Variants in SSBP2 observed in about 807,000 individuals in gnomAD.
SSBP2 encodes single stranded DNA binding protein 2, also known as single-stranded DNA-binding protein 2.
SSBP2 carries 17 observed loss-of-function variants against 61.8 expected under a neutral mutation model. That is an observed-to-expected ratio of 0.28 (90% CI 0.19 to 0.41). SSBP2 has a LOEUF of 0.41. Ranked by LOEUF, SSBP2 falls within the 10% of genes least tolerant of loss-of-function variation. SSBP2 has a pLI of 1.00. For missense variants in SSBP2, 310 were observed against 458.7 expected (o/e 0.68, Z 2.96); for synonymous variants, 139 against 141.3 (o/e 0.98, Z 0.12).
intron 1 of SSBP2, among the ~76,000 whole-genome samples, chr5:81,670,613 A>G (rs1038567913): frequency 7.9e-5 from 12 of 152,218 alleles, no homozygotes; most frequent in African/African-American, 1.7e-4. Flanking sequence ...AAAGCTTTCT[A>G]AAGTTTTTTT....
intron 4 of SSBP2, among the ~76,000 whole-genome samples, chr5:81,589,893 T>C (rs1486722243): frequency 1.3e-5 from 2 of 150,528 alleles, no homozygotes; most frequent in Non-Finnish European, 1.5e-5. Context: ...GAGAGAGAGA[T>C]CAAACTCACA....
At chr5:81,626,969 A>G (rs941905509) in intron 3 of SSBP2, among the ~76,000 whole-genome samples, 1 of 152,228 alleles carries the variant, frequency 6.6e-6, no homozygotes, top group Non-Finnish European at 1.5e-5. Flanking sequence ...ATTTATGTAA[A>G]AAGAGAAAAT....
intron 2 of SSBP2, among the ~76,000 whole-genome samples, chr5:81,640,804 C>T (rs186135715): frequency 1.3e-5 from 2 of 152,288 alleles, no homozygotes; most frequent in African/African-American, 4.8e-5. Flanking sequence ...AAACCTATGT[C>T]TCATCCTTCT....
intron 14 of SSBP2, among the ~76,000 whole-genome samples, chr5:81,440,213 C>T (rs73766243): frequency 1.7e-5 from 2 of 119,370 alleles, no homozygotes; most frequent in Non-Finnish European, 3.1e-5. Context: ...ACAACAATAA[C>T]AACAACAACA....
At chr5:81,522,610 T>G (rs1769576919) in intron 4 of SSBP2, among the ~76,000 whole-genome samples, 1 of 152,132 alleles carries the variant, frequency 6.6e-6, no homozygotes, top group Non-Finnish European at 1.5e-5. Flanking sequence ...AAAATAAGAT[T>G]TGAAGCATTT....
chr5:81,732,238 TATA>T (rs1251955218), intron 1 of SSBP2, among the ~76,000 whole-genome samples: 1 of 152,198 alleles, frequency 6.6e-6, no homozygotes, highest in African/African-American at 2.4e-5. Context: ...ATATGAAAAC[TATA>T]ATTCTCTTTT....
chr5:81,521,094 T>C (rs1769445405), intron 4 of SSBP2, among the ~76,000 whole-genome samples: 1 of 152,072 alleles, frequency 6.6e-6, no homozygotes, highest in Non-Finnish European at 1.5e-5. Context: ...CTAAAATGCA[T>C]CTAATGAGAT....
chr5:81,523,058 T>G (rs1181806035), intron 4 of SSBP2, among the ~76,000 whole-genome samples: 2 of 152,080 alleles, frequency 1.3e-5, no homozygotes, highest in African/African-American at 4.8e-5. Context: ...GTAGCTGGTA[T>G]TTGCCATGCA....
intron 10 of SSBP2, among the ~76,000 whole-genome samples, chr5:81,454,713 A>C (rs1382009582): frequency 1.3e-5 from 2 of 152,048 alleles, no homozygotes; most frequent in African/African-American, 4.8e-5. Flanking sequence ...AATAAAAATA[A>C]AAAAGAGAGA....
At chr5:81,642,688 C>T (rs1748896074) in intron 2 of SSBP2, among the ~76,000 whole-genome samples, 3 of 152,102 alleles carry the variant, frequency 2.0e-5, no homozygotes, top group Non-Finnish European at 4.4e-5. Flanking sequence ...ACCTAAATGT[C>T]CATCAGTACA....
At chr5:81,511,942 G>C (rs1031469258) in intron 5 of SSBP2, among the ~76,000 whole-genome samples, 5 of 152,032 alleles carry the variant, frequency 3.3e-5, no homozygotes, top group African/African-American at 1.2e-4. Flanking sequence ...TAGGCAAACG[G>C]AGAACAGTTC....
chr5:81,420,447 A>G lies in SSBP2; in HGVS notation c.*57T>C. On this transcript the variant is annotated 3_prime_UTR_variant, in exon 17 of 17. Transcript: ENST00000320672. ...ACTGTGATGAATAATTTTCTTCCGTAGTAGTTCTGTGAAGGGCTGACTCAC... is the reference window on the plus strand; with the variant it reads ...ACTGTGATGAATAATTTTCTTCCGTGGTAGTTCTGTGAAGGGCTGACTCAC... 8 of 1,526,508 alleles carry G rather than the reference A, an allele frequency of 5.2e-6. No individual in the cohort carries two copies. The highest frequency in any genetic ancestry group is 1.1e-5 in the South Asian group (1 of 88,956). 94.6% of individuals were successfully genotyped at this position (1,526,508 alleles called of 1,614,324 possible). A position where few individuals can be genotyped will look rare whatever the true frequency, so the allele number is the denominator to read the frequency against.
chr5:81,421,320 G>A (rs1761594668), intron 16 of SSBP2, among the ~76,000 whole-genome samples: 1 of 152,054 alleles, frequency 6.6e-6, no homozygotes, highest in Admixed American at 6.5e-5. Context: ...AGCCTCCCCA[G>A]TAGCTGGGAC....
chr5:81,710,541 C>T, intron 1 of SSBP2: 1 of 327,180 alleles, frequency 3.1e-6, no homozygotes. Context: ...TTTTAGAAGC[C>T]AAAGTATAAT....
chr5:81,721,482 T>C (rs2153970617), intron 1 of SSBP2, among the ~76,000 whole-genome samples: 1 of 152,254 alleles, frequency 6.6e-6, no homozygotes, highest in South Asian at 2.1e-4. Context: ...CGACTAAGGT[T>C]ACGTTCCAAC....
At position 81,516,532 on chromosome 5, in the gene SSBP2, C is replaced by G. The variant is rs184115220; in HGVS notation, c.283-2815G>C. ...CCCAAACTTCACTTTGTGGACCACA[C>G]TTTTTAGCTAAATTATCCATTCACT... is the stretch of plus-strand genomic sequence containing the variant. On this transcript the variant is annotated intron_variant, in intron 4 of 16. Coordinates refer to ENST00000320672, the MANE Select transcript of SSBP2 (RefSeq NM_012446.5). Among the ~76,000 whole-genome samples the G allele has an allele frequency of 2.8e-3, 433 of 152,112 alleles. 3 individuals carry two copies. Among genetic ancestry groups the G allele is most frequent in the African/African-American group, 1.0e-2 (414 of 41,536 alleles).
chr5:81,549,497 T>G (rs979054458), intron 4 of SSBP2, among the ~76,000 whole-genome samples: 2 of 152,186 alleles, frequency 1.3e-5, no homozygotes, highest in African/African-American at 4.8e-5. Flanking sequence ...ACACATAACC[T>G]ACTTGTGTTA....
intron 1 of SSBP2, among the ~76,000 whole-genome samples, chr5:81,745,342 TATAC>T (rs1757289863): frequency 6.6e-6 from 1 of 152,118 alleles, no homozygotes; most frequent in Non-Finnish European, 1.5e-5. Flanking sequence ...TGCTAGGTTA[TATAC>T]ATACGTTAAC....
Position 81,416,701 on chromosome 5 carries a change from C to T in SSBP2, c.*3803G>A, listed in dbSNP as rs958812414. The stretch of plus-strand genomic sequence containing the variant: ...GTCTTTTAAACCACAGAAGTGCTAA[C>T]TGAATAACCCTATGAAATGCAATGG... On this transcript the variant is annotated 3_prime_UTR_variant, in exon 17 of 17. Coordinates refer to ENST00000320672, the MANE Select transcript of SSBP2 (RefSeq NM_012446.5). 2.6e-5 allele frequency: 4 copies of T among 152,126 alleles called. No homozygotes were observed. The highest frequency in any genetic ancestry group is 7.2e-5 in the African/African-American group (3 of 41,428). The allele number at this position is 152,126 out of a possible 1,614,324, so 9.4% of individuals were successfully genotyped here.
Sources: allele counts gnomAD v4.1 joint callset (sites outside exome capture counted in the v4.1 genomes callset), GRCh38; gene constraint gnomAD v4.1.1; transcripts MANE v1.5; gene names NCBI Gene and HGNC (gene_info 2026-07-23, HGNC 2026-07-21).